The following SLC11A2 variants were observed in gnomAD, a reference collection of about 807,000 sequenced individuals.
SLC11A2 encodes the protein natural resistance-associated macrophage protein 2.
In SLC11A2, 38 loss-of-function variants were observed where a neutral mutation model predicts 68.0. That is an observed-to-expected ratio of 0.56 (90% confidence interval 0.43 to 0.73). SLC11A2 has a LOEUF of 0.73. Among genes scored for constraint, SLC11A2 ranks in the 30% least tolerant of loss-of-function variants. The pLI is 0.00. For synonymous variants in SLC11A2, 242 were observed against 250.6 expected (o/e 0.97, Z 0.32); for missense variants, 517 against 690.5 (o/e 0.75, Z 2.82).
chr12:51,003,995 T>A (rs999590010), intron 5 of SLC11A2, among the ~76,000 whole-genome samples: 1 of 152,062 alleles, frequency 6.6e-6, no homozygotes, highest in African/African-American at 2.4e-5. Context: ...ATTACCAAGG[T>A]TTTGTTTGTT....
the SLC11A2 span, among the ~76,000 whole-genome samples, chr12:50,954,704 TGACATAGTGA>T: frequency 4.6e-5 from 7 of 151,996 alleles, no homozygotes; most frequent in Non-Finnish European, 8.8e-5. Flanking sequence ...TCAGCCTGGG[TGACATAGTGA>T]GACCCTGTCT....
chr12:50,979,937 A>C, downstream of SLC11A2: 1 of 454,104 alleles, frequency 2.2e-6, no homozygotes, highest in Non-Finnish European at 4.4e-6. Context: ...GAAAGAAATG[A>C]GGAGTGAGCT....
intron 1 of SLC11A2, among the ~76,000 whole-genome samples, chr12:51,017,440 G>A (rs955070591): frequency 2.0e-5 from 3 of 152,042 alleles, no homozygotes; most frequent in Non-Finnish European, 2.9e-5. Flanking sequence ...ACACGTACAC[G>A]TACAATCTCC....
chr12:50,974,407 A>T (rs1244272056), downstream of SLC11A2, among the ~76,000 whole-genome samples: 2 of 152,238 alleles, frequency 1.3e-5, no homozygotes, highest in Non-Finnish European at 2.9e-5. Context: ...TAAGTGAAGG[A>T]GAAATAAAAT....
the SLC11A2 span, among the ~76,000 whole-genome samples, chr12:50,972,277 A>G: frequency 3.9e-5 from 6 of 152,374 alleles, no homozygotes; most frequent in East Asian, 5.8e-4. Context: ...AAAACCCAGT[A>G]AGTTCCACAA....
chr12:50,981,746 C>A, downstream of SLC11A2: 2 of 1,536,026 alleles, frequency 1.3e-6, no homozygotes, highest in South Asian at 2.4e-5. Context: ...ACAAGTGAGT[C>A]AGCGTCCATG....
the SLC11A2 span, among the ~76,000 whole-genome samples, chr12:50,957,348 G>A: frequency 4.0e-5 from 6 of 151,360 alleles, no homozygotes; most frequent in East Asian, 2.0e-4. Context: ...GTAAGCATGC[G>A]CCACCACACC....
chr12:50,990,986 C>A, intron 14 of SLC11A2, 38 bp from the exon 15 acceptor site: 1 of 1,597,138 alleles, frequency 6.3e-7, no homozygotes, highest in Non-Finnish European at 8.6e-7. Flanking sequence ...ATGGAATAAT[C>A]CAACTTGGCC....
chr12:50,961,171 A>G, the SLC11A2 span: 2 of 1,459,806 alleles, frequency 1.4e-6, no homozygotes, highest in Admixed American at 1.8e-5. Context: ...TTATTCATTC[A>G]TAGTAGAAGA....
At chr12:51,014,588 A>G (rs548319529) in intron 1 of SLC11A2, among the ~76,000 whole-genome samples, 1 of 152,352 alleles carries the variant, frequency 6.6e-6, no homozygotes, top group Non-Finnish European at 1.5e-5. Flanking sequence ...GCGGTGGCTC[A>G]CGTCTCTAAT....
the SLC11A2 span, among the ~76,000 whole-genome samples, chr12:50,952,564 G>T: frequency 6.6e-6 from 1 of 152,104 alleles, no homozygotes; most frequent in Non-Finnish European, 1.5e-5. Context: ...CACCTCAAGA[G>T]CCACAGCCTC....
chr12:51,011,871 T>G (rs1943262273), intron 1 of SLC11A2, among the ~76,000 whole-genome samples: 1 of 151,912 alleles, frequency 6.6e-6, no homozygotes. Context: ...ATTTTATGAG[T>G]TTTTAAGGAC....
At position 50,991,591 on chromosome 12, in the gene SLC11A2, A is replaced by T. The variant is rs886049566; in HGVS notation, c.1421+8T>A. On this transcript the variant is annotated splice_region_variant and intron_variant, in intron 14 of 15. Coordinates refer to ENST00000262052, the MANE Select transcript of SLC11A2 (RefSeq NM_000617.3). ...ATCCCCTTTGGGAACGAAGAGGAGT[A>T]CACTCACAGTCCATTGGCAAAGTCA... 6 of 1,611,884 alleles carry T rather than the reference A, an allele frequency of 3.7e-6. No individual in the cohort carries two copies. The South Asian group carries it at 4.4e-5, about 12-fold the overall frequency.
rs1444731382 is a variant in SLC11A2, at chr12:50,999,396, C to T, written c.556G>A (p.Val186Ile). The T allele has an allele frequency of 3.0e-5, 49 of 1,613,338 alleles. No homozygotes were observed. Among genetic ancestry groups the T allele is most frequent in the Non-Finnish European group, 4.1e-5 (48 of 1,179,480 alleles). ...AAAGTATCTGCAATGGTGATGAGAA[C>T]GCCACCCCACAGAGGAATTCTAGGT... ...SVGRIPLWGG[V>I]LITIADTFVF... is the part of the protein sequence containing the mutation. The change falls in exon 7 of 16, where the codon GTT becomes ATT. Residue 186 changes from valine to isoleucine, a missense_variant. Val to Ile is a conservative substitution (Grantham distance 29). Coordinates refer to ENST00000262052, the MANE Select transcript of SLC11A2 (RefSeq NM_000617.3).
intron 1 of SLC11A2, among the ~76,000 whole-genome samples, chr12:51,015,142 A>G (rs1363979859): frequency 6.7e-6 from 1 of 148,754 alleles, no homozygotes; most frequent in African/African-American, 2.5e-5. Flanking sequence ...CCTGGGCAAC[A>G]GAGCAAGACT....
At chr12:50,983,110 C>CCT (rs1435932123), downstream of SLC11A2, among the ~76,000 whole-genome samples, 9 of 151,826 alleles carry the variant, frequency 5.9e-5, no homozygotes, top group African/African-American at 1.9e-4. Flanking sequence ...GCCACCTCTA[C>CCT]CTCCTGGGCT....
chr12:50,985,735 GT>G (rs1940480089), downstream of SLC11A2, among the ~76,000 whole-genome samples: 1 of 152,192 alleles, frequency 6.6e-6, no homozygotes, highest in Non-Finnish European at 1.5e-5. Flanking sequence ...TGGTAATGAT[GT>G]GACCTTTAGC....
chr12:50,974,806 A>C (rs1422096154), downstream of SLC11A2, among the ~76,000 whole-genome samples: 3 of 152,220 alleles, frequency 2.0e-5, no homozygotes, highest in African/African-American at 7.2e-5. Context: ...TCTACCAAGC[A>C]AATGGAAAAC....
downstream of SLC11A2, among the ~76,000 whole-genome samples, chr12:50,977,556 T>C (rs1322777217): frequency 2.6e-5 from 4 of 152,252 alleles, no homozygotes; most frequent in East Asian, 7.7e-4. Context: ...GAAGAAAACC[T>C]AGGCATTACC....
Sources: allele counts gnomAD v4.1 joint callset (sites outside exome capture counted in the v4.1 genomes callset), GRCh38; gene constraint gnomAD v4.1.1; transcripts MANE v1.5; gene names NCBI Gene and HGNC (gene_info 2026-07-23, HGNC 2026-07-21).